Variants in TRAPPC9 observed in about 807,000 individuals in gnomAD.
TRAPPC9 encodes trafficking protein particle complex subunit 9.
Under a neutral mutation model 124.0 loss-of-function variants are expected in TRAPPC9, and 83 were observed. That is an observed-to-expected ratio of 0.67 (90% CI 0.56 to 0.80). The LOEUF (loss-of-function observed/expected upper bound fraction) is 0.80. Among genes scored for constraint, TRAPPC9 ranks in the 30% least tolerant of loss-of-function variants. The probability of loss-of-function intolerance (pLI) is 0.00; values close to 1 mark genes in which losing one functional copy is unlikely to be tolerated. For missense variants in TRAPPC9, 1,302 were observed against 1,508.3 expected, an observed-to-expected ratio of 0.86 and a Z score of 2.27; for synonymous variants, 638 against 617.5, an observed-to-expected ratio of 1.03 and a Z score of -0.49.
At chr8:140,168,560 G>A (rs568050571) in intron 17 of TRAPPC9, among the ~76,000 whole-genome samples, 2 of 152,234 alleles carry the variant, frequency 1.3e-5, no homozygotes, top group Non-Finnish European at 2.9e-5. Context: ...TGGATGCTGA[G>A]TAACTGCTGC....
At chr8:140,316,369 G>C (rs1007002677) in intron 9 of TRAPPC9, among the ~76,000 whole-genome samples, 1 of 152,096 alleles carries the variant, frequency 6.6e-6, no homozygotes, top group Non-Finnish European at 1.5e-5. Flanking sequence ...ACAAAATTTA[G>C]AACATATTTG....
intron 5 of TRAPPC9, among the ~76,000 whole-genome samples, chr8:140,416,605 G>A (rs2069937889): frequency 6.6e-6 from 1 of 152,168 alleles, no homozygotes; most frequent in Non-Finnish European, 1.5e-5. Flanking sequence ...CATGCTCATG[G>A]ATAGGAAGAA....
intron 18 of TRAPPC9, among the ~76,000 whole-genome samples, chr8:140,014,323 G>A (rs749723149): frequency 1.3e-4 from 19 of 151,976 alleles, no homozygotes; most frequent in Non-Finnish European, 2.1e-4. Flanking sequence ...TTTCCATCTC[G>A]TCCCTAACAA....
At chr8:140,287,827 C>T (rs1424083720) in intron 12 of TRAPPC9, 93 bp from the exon 13 acceptor site, 8 of 1,542,424 alleles carry the variant, frequency 5.2e-6, no homozygotes, top group Non-Finnish European at 6.2e-6. Context: ...TATGGCACAT[C>T]GGAACTGCTG....
rs747923086 is a variant in TRAPPC9, at chr8:140,397,623, T to C, written c.1131A>G (p.Arg377=). 6.2e-7 allele frequency: 1 copy of C among 1,613,986 alleles called. No homozygotes were observed. Among genetic ancestry groups the C allele is most frequent in the African/African-American group, 1.3e-5 (1 of 74,930 alleles). The part of the protein sequence containing the change: ...FLQNAVYINL[R]QLSEEEKIQR... ...TTACAGGTAGACATACACTCACCTGTCGAAGGTTAATGTAAACTGCATTCT... is the reference window on the plus strand; with the variant it reads ...TTACAGGTAGACATACACTCACCTGCCGAAGGTTAATGTAAACTGCATTCT... The change falls in exon 7 of 23, where the codon CGA becomes CGG. Residue 377 remains arginine (R), a synonymous_variant. Transcript: ENST00000438773.
chr8:140,135,216 G>T (rs1028315539), intron 17 of TRAPPC9, among the ~76,000 whole-genome samples: 4 of 152,148 alleles, frequency 2.6e-5, no homozygotes, highest in African/African-American at 9.7e-5. Flanking sequence ...ATTGCTAGTG[G>T]GAGTGAAAAT....
chr8:140,091,199 G>A (rs765520325), intron 17 of TRAPPC9, among the ~76,000 whole-genome samples: 10 of 152,132 alleles, frequency 6.6e-5, no homozygotes, highest in South Asian at 2.1e-4. Context: ...CATGCATGTC[G>A]CTGCAGGCTC....
intron 9 of TRAPPC9, among the ~76,000 whole-genome samples, chr8:140,335,672 C>T (rs1166581588): frequency 1.3e-5 from 2 of 150,308 alleles, no homozygotes; most frequent in Non-Finnish European, 3.0e-5. Flanking sequence ...ATATCAAGAG[C>T]TTCACTCTTA....
chr8:139,887,924 C>A (rs953593129), intron 20 of TRAPPC9, among the ~76,000 whole-genome samples: 14 of 152,212 alleles, frequency 9.2e-5, no homozygotes, highest in African/African-American at 2.9e-4. Context: ...ACGCCTCATT[C>A]AGCAGCACAG....
intron 10 of TRAPPC9, among the ~76,000 whole-genome samples, chr8:140,310,192 G>A (rs1348605086): frequency 6.6e-6 from 1 of 152,040 alleles, no homozygotes; most frequent in Admixed American, 6.6e-5. Context: ...TAATGCTATC[G>A]GTTTTCTTCT....
At chr8:140,190,309 T>A (rs1480971994) in intron 17 of TRAPPC9, among the ~76,000 whole-genome samples, 1 of 151,850 alleles carries the variant, frequency 6.6e-6, no homozygotes, top group Non-Finnish European at 1.5e-5. Context: ...TACAAAAAAA[T>A]TAGCCAGGCG....
intron 17 of TRAPPC9, among the ~76,000 whole-genome samples, chr8:140,033,658 G>GTTTTTTGTTTTTTTTTTTTGTTTTTTTTT: frequency 2.4e-5 from 1 of 42,366 alleles, no homozygotes; most frequent in Non-Finnish European, 5.5e-5. Context: ...TCATAATGTG[G>GTTTTTTGTTTTTTTTTTTTGTTTTTTTTT]TTTTTTTTTT....
At chr8:140,284,092 G>A (rs779704053) in intron 13 of TRAPPC9, 71 bp from the exon 14 acceptor site, 3 of 1,601,162 alleles carry the variant, frequency 1.9e-6, no homozygotes, top group Non-Finnish European at 2.6e-6. Context: ...CTGAAGCAGT[G>A]CGAAGAGTAC....
At chr8:139,975,744 C>A (rs1836397359) in intron 19 of TRAPPC9, among the ~76,000 whole-genome samples, 2 of 152,100 alleles carry the variant, frequency 1.3e-5, no homozygotes, top group Non-Finnish European at 2.9e-5. Flanking sequence ...AACTTCACCC[C>A]ACTCAAGCTG....
intron 21 of TRAPPC9, among the ~76,000 whole-genome samples, chr8:139,879,283 G>A (rs1221727868): frequency 6.6e-6 from 1 of 152,210 alleles, no homozygotes; most frequent in Non-Finnish European, 1.5e-5. Flanking sequence ...GGGTGGGTCC[G>A]AGACCTGGAT....
Position 140,033,658 on chromosome 8 carries a change from G to GTTTTTTTTTTTT in TRAPPC9, c.2557-9591_2557-9580dup, listed in dbSNP as rs776155126. 6.4e-4 allele frequency among the ~76,000 whole-genome samples: 27 copies of GTTTTTTTTTTTT among 42,390 alleles called. 4 individuals are homozygous for GTTTTTTTTTTTT. Among genetic ancestry groups the GTTTTTTTTTTTT allele is most frequent in the South Asian group, 1.3e-3 (1 of 784 alleles). The allele number at this position is 42,390 out of a possible 152,430, so 27.8% of individuals were successfully genotyped here. On this transcript the variant is annotated intron_variant, in intron 17 of 22. Coordinates refer to ENST00000438773, the MANE Select transcript of TRAPPC9 (RefSeq NM_001160372.4). ...TTGAAATGCAACTCTTCATAATGTG[G>GTTTTTTTTTTTT]TTTTTTTTTTTTTTTTTTTTTTTTT...
In TRAPPC9 at chr8:140,311,340, A is replaced by G. The variant is rs780119742; in HGVS notation, c.1530T>C (p.Tyr510=). 127 of 1,613,918 alleles carry G rather than the reference A, an allele frequency of 7.9e-5. No individual in the cohort carries two copies. Among genetic ancestry groups the G allele is most frequent in the Non-Finnish European group, 9.8e-5 (116 of 1,180,022 alleles). The change falls in exon 10 of 23, where the codon TAT becomes TAC. Residue 510 remains tyrosine, a synonymous_variant. Coordinates refer to ENST00000438773, the MANE Select transcript of TRAPPC9 (RefSeq NM_001160372.4). The stretch of plus-strand genomic sequence containing the variant: ...CCATGGTCCCAGGACACTTGGACGT[A>G]TAGTTCTCTAGGCTTTGGGCCACAT... ...KKDVAQSLEN[Y]TSKCPGTMEP...
At chr8:140,137,973 C>T (rs1252407904) in intron 17 of TRAPPC9, among the ~76,000 whole-genome samples, 2 of 152,178 alleles carry the variant, frequency 1.3e-5, no homozygotes, top group Admixed American at 6.5e-5. Flanking sequence ...ATAATACGTG[C>T]CAATATTACT....
At chr8:140,452,815 T>A (rs2071515139) in intron 1 of TRAPPC9, among the ~76,000 whole-genome samples, 1 of 152,076 alleles carries the variant, frequency 6.6e-6, no homozygotes, top group Admixed American at 6.5e-5. Context: ...TGCCTGGAAG[T>A]CAGGGCCGAT....
Sources: allele counts gnomAD v4.1 joint callset (sites outside exome capture counted in the v4.1 genomes callset), GRCh38; gene constraint gnomAD v4.1.1; transcripts MANE v1.5; gene names NCBI Gene and HGNC (gene_info 2026-07-23, HGNC 2026-07-21).